The following OGFOD1 variants were observed in gnomAD, a reference collection of about 807,000 sequenced individuals.
The protein encoded by OGFOD1 is prolyl 3-hydroxylase OGFOD1.
OGFOD1 carries 54 observed loss-of-function variants against 67.7 expected under a neutral mutation model. That is an observed-to-expected ratio of 0.80 (90% CI 0.64 to 1.00). The LOEUF (loss-of-function observed/expected upper bound fraction) is 1.00. OGFOD1 is among the 50% of genes least tolerant of loss of function. The pLI is 0.00. For missense variants in OGFOD1, 606 were observed against 646.7 expected (o/e 0.94, Z 0.68); for synonymous variants, 221 against 227.0 (o/e 0.97, Z 0.24).
At chr16:56,461,121 T>C (rs1962696967) in intron 3 of OGFOD1, among the ~76,000 whole-genome samples, 1 of 152,256 alleles carries the variant, frequency 6.6e-6, no homozygotes, top group African/African-American at 2.4e-5. Context: ...GTTCATTAAA[T>C]GGCGGTACCA....
In OGFOD1 at chr16:56,470,663, A is replaced by C; in HGVS notation, c.1157A>C (p.Asp386Ala). ...MNDKKEAETT[D>A]ITEEGTSHSP... ...GATAAAAAAGAGGCAGAAACCACTGATATCACTGAAGAAGGGACTAGCCAT... is the reference window on the plus strand; with the variant it reads ...GATAAAAAAGAGGCAGAAACCACTGCTATCACTGAAGAAGGGACTAGCCAT... Residue 386 changes from aspartate (D) to alanine (A), a missense_variant, in exon 10 of 13, where the codon GAT becomes GCT. Coordinates refer to ENST00000566157, the MANE Select transcript of OGFOD1 (RefSeq NM_018233.4). 6.2e-7 allele frequency: 1 copy of C among 1,614,208 alleles called. No individual in the cohort carries two copies. Among genetic ancestry groups the C allele is most frequent in the South Asian group, 1.1e-5 (1 of 91,078 alleles).
At chr16:56,458,517 TC>T (rs759393513) in intron 2 of OGFOD1, 30 bp from the exon 3 acceptor site, 1 of 1,600,580 alleles carries the variant, frequency 6.2e-7, no homozygotes, top group Admixed American at 1.7e-5. Flanking sequence ...GTGAAGGAAA[TC>T]CCTTTTTTTT....
At chr16:56,473,624 T>G (rs1688156135) in intron 10 of OGFOD1, among the ~76,000 whole-genome samples, 1 of 152,214 alleles carries the variant, frequency 6.6e-6, no homozygotes, top group African/African-American at 2.4e-5. Context: ...CCAACTTGCT[T>G]ATTCTTTAGG....
chr16:56,458,662 T>TA (rs1351507125), intron 3 of OGFOD1, 68 bp downstream of exon 3: 1 of 1,254,534 alleles, frequency 8.0e-7, no homozygotes, highest in African/African-American at 1.5e-5. Flanking sequence ...CTTTAAATGT[T>TA]ACAACATTGT....
intron 4 of OGFOD1, among the ~76,000 whole-genome samples, chr16:56,465,153 C>T (rs1315575620): frequency 1.3e-5 from 2 of 152,054 alleles, no homozygotes; most frequent in Non-Finnish European, 2.9e-5. Flanking sequence ...GCGTGCACCA[C>T]CATGCCCTGC....
Position 56,467,999 on chromosome 16 carries a change from TC to T in OGFOD1, c.883del (p.Leu295Ter). 6.4e-7 allele frequency: 1 copy of T among 1,572,198 alleles called. No individual in the cohort carries two copies. The highest frequency in any genetic ancestry group is 8.8e-7 in the Non-Finnish European group (1 of 1,141,880). ...QEEFEESSEI[L>X]LKEFLKPEKF... ...GAGTTTGAAGAAAGTTCTGAAATTC[TC>T]CTGAAGGAGTTTCTTAAGGTAAGCT... is the stretch of plus-strand genomic sequence containing the variant. On this transcript the variant is annotated frameshift_variant, in exon 8 of 13. Coordinates refer to ENST00000566157, the MANE Select transcript of OGFOD1 (RefSeq NM_018233.4). LOFTEE classifies it high-confidence loss of function.
intron 8 of OGFOD1, among the ~76,000 whole-genome samples, chr16:56,469,425 G>A (rs1487108339): frequency 2.0e-5 from 3 of 152,176 alleles, no homozygotes; most frequent in Non-Finnish European, 4.4e-5. Flanking sequence ...AGGTTGAGCA[G>A]ATTGACGTAA....
intron 5 of OGFOD1, 93 bp from the exon 6 acceptor site, chr16:56,466,783 A>ATG: frequency 1.1e-6 from 1 of 882,244 alleles, no homozygotes; most frequent in Non-Finnish European, 1.9e-6. Flanking sequence ...GCACATCTAG[A>ATG]TGCCCTCAGA....
intron 3 of OGFOD1, among the ~76,000 whole-genome samples, chr16:56,459,701 GT>G (rs1380402604): frequency 6.6e-6 from 1 of 151,854 alleles, no homozygotes; most frequent in Non-Finnish European, 1.5e-5. Flanking sequence ...ACACATTTTT[GT>G]CAAGAGAAAA....
At chr16:56,458,394 A>G (rs1345775995) in intron 2 of OGFOD1, 154 bp from the exon 3 acceptor site, 4 of 689,024 alleles carry the variant, frequency 5.8e-6, no homozygotes, top group Non-Finnish European at 1.1e-5. Context: ...AGACCCATCC[A>G]ATGGAGGGGC....
At chr16:56,467,808 T>G in intron 7 of OGFOD1, 97 bp from the exon 8 acceptor site, 1 of 717,464 alleles carries the variant, frequency 1.4e-6, no homozygotes, top group East Asian at 2.6e-5. Context: ...ACTTATAAAA[T>G]GAGGATTTGC....
rs1209520847 is a variant in OGFOD1, at chr16:56,477,739, A to G, written c.*1534A>G. On this transcript the variant is annotated 3_prime_UTR_variant, in exon 13 of 13. Transcript: ENST00000566157. ...GTCTTCTGTTTCCTTTCTCTTTTTT[A>G]CATTTATTTTTAGCTTTTGCAGTAG... is the stretch of plus-strand genomic sequence containing the variant. The G allele has an allele frequency of 2.6e-5, 4 of 151,922 alleles. No homozygotes were observed. 9.4% of individuals were successfully genotyped at this position (151,922 alleles called of 1,614,324 possible).
intron 6 of OGFOD1, 68 bp downstream of exon 6, chr16:56,467,035 G>A: frequency 6.5e-7 from 1 of 1,538,684 alleles, no homozygotes; most frequent in Non-Finnish European, 9.0e-7. Context: ...ATCCAAACAT[G>A]ACAGCTTCCT....
intron 7 of OGFOD1, 27 bp downstream of exon 7, chr16:56,467,320 C>T (rs1962946177): frequency 1.2e-6 from 2 of 1,612,780 alleles, no homozygotes; most frequent in East Asian, 2.2e-5. Flanking sequence ...ATATCCTTAT[C>T]TTAGGAGCTA....
rs1218924283 is a variant in OGFOD1, at chr16:56,478,287, TA to T, written c.*2083del. On this transcript the variant is annotated 3_prime_UTR_variant, in exon 13 of 13. Transcript: ENST00000566157. ...AATTCTCCTGCCTCAGCCTCCTAAG[TA>T]GCTGGGATTACAGGCACCTGCCTCC... The T allele has an allele frequency of 2.6e-5, 4 of 152,210 alleles. No homozygotes were observed. Among genetic ancestry groups the T allele is most frequent in the East Asian group, 3.9e-4 (2 of 5,192 alleles). 9.4% of individuals were successfully genotyped at this position (152,210 alleles called of 1,614,324 possible).
At chr16:56,458,475 C>A in intron 2 of OGFOD1, 73 bp from the exon 3 acceptor site, 2 of 1,336,100 alleles carry the variant, frequency 1.5e-6, no homozygotes, top group Non-Finnish European at 2.2e-6. Flanking sequence ...CCAGAACACT[C>A]ACTAAACTGC....
chr16:56,458,792 T>G, intron 3 of OGFOD1, 198 bp downstream of exon 3: 1 of 544,088 alleles, frequency 1.8e-6, no homozygotes, highest in Non-Finnish European at 3.3e-6. Context: ...TAAGTCTGTC[T>G]GATTCCAAGG....
intron 8 of OGFOD1, among the ~76,000 whole-genome samples, chr16:56,468,923 G>A (rs1437958956): frequency 8.5e-5 from 13 of 152,190 alleles, no homozygotes; most frequent in African/African-American, 3.1e-4. Flanking sequence ...GCACTTTACA[G>A]TTGACTGTGG....
At chr16:56,469,295 G>A (rs1439282734) in intron 8 of OGFOD1, among the ~76,000 whole-genome samples, 1 of 152,232 alleles carries the variant, frequency 6.6e-6, no homozygotes, top group Non-Finnish European at 1.5e-5. Context: ...TTGTTATACA[G>A]AGATTGTCAC....
Sources: gnomAD v4.1 joint callset for allele counts (sites outside exome capture counted in the v4.1 genomes callset) on GRCh38, gnomAD v4.1.1 for gene constraint, MANE v1.5 for transcripts, NCBI Gene and HGNC (gene_info 2026-07-23, HGNC 2026-07-21) for gene names.